DLG5: variants seen among roughly 807,000 people sequenced by gnomAD.
The protein encoded by DLG5 is disks large homolog 5.
Under a neutral mutation model 189.8 loss-of-function variants are expected in DLG5, and 48 were observed. The ratio of observed to expected loss-of-function variants is 0.25; its 90% CI spans 0.20 to 0.32. DLG5 has a LOEUF of 0.32. Ranked by LOEUF, DLG5 falls within the 10% of genes least tolerant of loss-of-function variation. DLG5 has a pLI of 1.00. For synonymous variants in DLG5, 1,016 were observed against 1,054.1 expected, an observed-to-expected ratio of 0.96 and a Z score of 0.70; for missense variants, 2,160 against 2,544.7, an observed-to-expected ratio of 0.85 and a Z score of 3.25.
chr10:77,859,350 C>A (rs921145264), intron 2 of DLG5, among the ~76,000 whole-genome samples: 1 of 152,194 alleles, frequency 6.6e-6, no homozygotes, highest in African/African-American at 2.4e-5. Context: ...AAGCCTACAG[C>A]GGTGTACAGT....
At chr10:77,812,513 T>C in intron 20 of DLG5, 136 bp from the exon 21 acceptor site, 2 of 997,900 alleles carry the variant, frequency 2.0e-6, no homozygotes, top group Non-Finnish European at 1.4e-6. Flanking sequence ...GTGACACAGC[T>C]ACATGGGGAC....
chr10:77,856,352 A>G (rs1844225110), intron 3 of DLG5, among the ~76,000 whole-genome samples: 2 of 152,282 alleles, frequency 1.3e-5, no homozygotes, highest in South Asian at 4.1e-4. Context: ...ACCCCGTCTC[A>G]AAAAACAAAT....
intron 2 of DLG5, chr10:77,867,079 G>A: frequency 2.2e-6 from 1 of 456,900 alleles, no homozygotes; most frequent in Non-Finnish European, 4.4e-6. Context: ...ACTGTTGACG[G>A]CTCCATCGCA....
chr10:77,815,877 G>A (rs1304043770), intron 20 of DLG5, among the ~76,000 whole-genome samples: 2 of 152,210 alleles, frequency 1.3e-5, no homozygotes, highest in East Asian at 3.8e-4. Context: ...GGGAACAACA[G>A]AGAGGGATGT....
rs1412551181 is a variant in DLG5 at position 77,791,518 on chromosome 10, T to C, written c.*922A>G. 6.6e-6 allele frequency: 1 copy of C among 152,200 alleles called. No homozygotes were observed. The highest frequency in any genetic ancestry group is 1.5e-5 in the Non-Finnish European group (1 of 68,030). 9.4% of individuals were successfully genotyped at this position (152,200 alleles called of 1,614,324 possible). A position where few individuals can be genotyped will look rare whatever the true frequency, so the allele number is the denominator to read the frequency against. ...TTCAATGTCTGAAACATGAATGTTT[T>C]CATATCAAAAAGAACTGATGTACCT... is the stretch of plus-strand genomic sequence containing the variant. On this transcript the variant is annotated 3_prime_UTR_variant, in exon 32 of 32. Coordinates refer to ENST00000372391, the MANE Select transcript of DLG5 (RefSeq NM_004747.4).
At chr10:77,867,254 T>C in intron 2 of DLG5, 1 of 368,940 alleles carries the variant, frequency 2.7e-6, no homozygotes, top group East Asian at 7.3e-5. Context: ...AATACCCCTC[T>C]CTGGAATCCC....
intron 2 of DLG5, among the ~76,000 whole-genome samples, chr10:77,857,423 C>T (rs985803961): frequency 3.9e-5 from 6 of 152,238 alleles, no homozygotes; most frequent in Admixed American, 6.5e-5. Flanking sequence ...GGACAGTGCA[C>T]GGCTCCCTTT....
chr10:77,912,709 C>G (rs972671118), intron 1 of DLG5, among the ~76,000 whole-genome samples: 15 of 152,122 alleles, frequency 9.9e-5, no homozygotes, highest in African/African-American at 3.6e-4. Context: ...ACAGTTCATC[C>G]CAAGAGGAAA....
intron 30 of DLG5, among the ~76,000 whole-genome samples, 162 bp downstream of exon 30, chr10:77,794,687 C>T (rs1442152926): frequency 6.6e-6 from 1 of 152,150 alleles, no homozygotes; most frequent in African/African-American, 2.4e-5. Context: ...GGGACAGGGC[C>T]GACAGGGAAG....
At position 77,796,457 on chromosome 10, in the gene DLG5, G is replaced by A. The variant is rs1490459200; in HGVS notation, c.5302C>T (p.Pro1768Ser). 1 of 1,614,168 alleles carries A rather than the reference G, an allele frequency of 6.2e-7. No homozygotes were observed. The highest frequency in any genetic ancestry group is 2.2e-5 in the East Asian group (1 of 44,884). ...NEAPGKFCRC[P>S]LEVMKASQQA... ...GGTGCCCCGTGCCCCTTACCAAGGG[G>A]ACATCTGCAGAACTTGCCAGGAGCC... Residue 1768 changes from proline to serine, a missense_variant, in exon 28 of 32, where the codon CCC becomes TCC. By Grantham distance (74) the Pro-to-Ser change is moderately conservative. Coordinates refer to ENST00000372391, the MANE Select transcript of DLG5 (RefSeq NM_004747.4). The surrounding 1 kb of genome is among the most constrained non-coding windows in gnomAD (Gnocchi z 5.2).
At chr10:77,845,594 G>A (rs987908607) in intron 5 of DLG5, among the ~76,000 whole-genome samples, 1 of 151,552 alleles carries the variant, frequency 6.6e-6, no homozygotes, top group Non-Finnish European at 1.5e-5. Context: ...GAGAAATGGA[G>A]GGAAGGAGGG....
chr10:77,811,927 G>C lies in DLG5; in HGVS notation c.4319C>G (p.Ser1440Cys). 1 of 1,605,262 alleles carries C rather than the reference G, an allele frequency of 6.2e-7. No individual in the cohort carries two copies. The highest frequency in any genetic ancestry group is 8.5e-7 in the Non-Finnish European group (1 of 1,179,840). Residue 1440 changes from serine (S) to cysteine (C), a missense_variant, in exon 22 of 32, where the codon TCC becomes TGC. Ser to Cys is a moderately radical substitution (Grantham distance 112). This residue lies in a region of DLG5 where 574 missense variants were observed against 644.2 expected (regional missense o/e 0.89). Coordinates refer to ENST00000372391, the MANE Select transcript of DLG5 (RefSeq NM_004747.4). ...HVHQLSSHSR[S>C]SSHLDPAGTH... ...GCCCTGGGAGGCCCGCACTCACCTG[G>C]ACCGGGAGTGGCTGCTGAGCTGGTG...
chr10:77,876,187 A>C (rs961507849), intron 1 of DLG5, among the ~76,000 whole-genome samples: 19 of 152,078 alleles, frequency 1.2e-4, no homozygotes, highest in Non-Finnish European at 2.8e-4. Context: ...AAAAAAAATC[A>C]TAATGATGTG....
intron 1 of DLG5, among the ~76,000 whole-genome samples, chr10:77,883,594 TC>T (rs1845347338): frequency 6.7e-6 from 1 of 150,110 alleles, no homozygotes; most frequent in South Asian, 2.1e-4. Flanking sequence ...AACATAAGAC[TC>T]AATTTGAACA....
Position 77,853,541 on chromosome 10 carries a change from A to C in DLG5, c.681-4T>G. On this transcript the variant is annotated splice_region_variant and splice_polypyrimidine_tract_variant and intron_variant, in intron 4 of 31. Transcript: ENST00000372391. ...CAGGAGCCGGCTGTGGAGTGTGCTG[A>C]AACACCCGGTACATGCTCAGTGAGC... The C allele has an allele frequency of 6.3e-7, 1 of 1,588,812 alleles. No homozygotes were observed. Among genetic ancestry groups the C allele is most frequent in the Non-Finnish European group, 8.6e-7 (1 of 1,166,398 alleles).
rs1426762472 is a variant in DLG5, at chr10:77,926,475, G to C, written c.46C>G (p.Leu16Val). The change falls in exon 1 of 32, where the codon CTG becomes GTG. Residue 16 changes from leucine (L) to valine (V), a missense_variant. Around this residue, in one of 5 missense-constraint regions of DLG5, gnomAD observed 664 missense variants for 838.5 expected, o/e 0.79. Transcript: ENST00000372391. This position sits in a 1 kb window ranked among gnomAD's most constrained non-coding sequence, Gnocchi z 5.2. ...TCCACCTCCGTCATGGCCTGGGCCAGGCTCTGCTGACACTGGGCGAGCAGC... is the reference window on the plus strand; with the variant it reads ...TCCACCTCCGTCATGGCCTGGGCCACGCTCTGCTGACACTGGGCGAGCAGC... ...RELLAQCQQSLAQAMTEVEAV... is the reference protein window; with the variant it reads ...RELLAQCQQSVAQAMTEVEAV... The C allele has an allele frequency of 6.7e-7, 1 of 1,493,616 alleles. No individual in the cohort carries two copies. The highest frequency in any genetic ancestry group is 2.8e-5 in the East Asian group (1 of 35,938). The allele number at this position is 1,493,616 out of a possible 1,614,324, so 92.5% of individuals were successfully genotyped here. A position where few individuals can be genotyped will look rare whatever the true frequency, so the allele number is the denominator to read the frequency against.
intron 1 of DLG5, among the ~76,000 whole-genome samples, chr10:77,903,097 G>T (rs954506728): frequency 6.6e-6 from 1 of 152,276 alleles, no homozygotes; most frequent in Non-Finnish European, 1.5e-5. Flanking sequence ...CATACACTTT[G>T]TTTCATACAC....
intron 1 of DLG5, among the ~76,000 whole-genome samples, chr10:77,915,466 A>T (rs1374559164): frequency 6.6e-6 from 1 of 152,248 alleles, no homozygotes; most frequent in African/African-American, 2.4e-5. Context: ...TGCATTCCTC[A>T]GAACACTGAT....
chr10:77,887,592 A>T (rs775828315), intron 1 of DLG5, among the ~76,000 whole-genome samples: 1 of 152,224 alleles, frequency 6.6e-6, no homozygotes, highest in African/African-American at 2.4e-5. Context: ...CTGTGTGGAA[A>T]GAAAGAAGTG....
Sources: allele counts gnomAD v4.1 joint callset (sites outside exome capture counted in the v4.1 genomes callset), GRCh38; gene constraint gnomAD v4.1.1; regional missense constraint gnomAD v4.1.1; non-coding constraint Gnocchi (gnomAD v3.1); transcripts MANE v1.5; gene names NCBI Gene and HGNC (gene_info 2026-07-23, HGNC 2026-07-21).